Variants in STK38L observed in about 807,000 individuals in gnomAD.
The protein encoded by STK38L is serine/threonine kinase 38 like, also known as serine/threonine-protein kinase 38-like.
STK38L carries 28 observed loss-of-function variants against 59.7 expected under a neutral mutation model. The observed-to-expected ratio is 0.47, with a 90% CI of 0.35 to 0.64. The LOEUF is 0.64. Ranked by LOEUF, STK38L falls within the 30% of genes least tolerant of loss-of-function variation. The pLI is 0.01. For synonymous variants in STK38L, 162 were observed against 176.8 expected (o/e 0.92, Z 0.66); for missense variants, 314 against 555.8 (o/e 0.56, Z 4.37).
chr12:27,253,759 G>C (rs919972739), intron 1 of STK38L, among the ~76,000 whole-genome samples: 13 of 152,194 alleles, frequency 8.5e-5, no homozygotes, highest in African/African-American at 3.1e-4. Flanking sequence ...GCCTCAGGCG[G>C]GTATTATCAC....
At chr12:27,320,791 T>G (rs957558476) in intron 12 of STK38L, among the ~76,000 whole-genome samples, 1 of 150,318 alleles carries the variant, frequency 6.7e-6, no homozygotes, top group African/African-American at 2.4e-5. Flanking sequence ...TTTTTTTTTT[T>G]TTTTTTTTGA....
intron 11 of STK38L, among the ~76,000 whole-genome samples, 181 bp from the exon 12 acceptor site, chr12:27,319,147 T>C (rs553586425): frequency 1.3e-5 from 2 of 152,358 alleles, no homozygotes; most frequent in Non-Finnish European, 2.9e-5. Context: ...ACAGTAGTTA[T>C]CTCTAAACAG....
At position 27,305,278 on chromosome 12, in the gene STK38L, G is replaced by A. The variant is rs574770904; in HGVS notation, c.187-3061G>A. ...TTGTAGCTTCCTGTTTGCAACTTCT[G>A]GTCTGCATCAGCAAGTACTGACTAC... On this transcript the variant is annotated intron_variant, in intron 3 of 13. Coordinates refer to ENST00000389032, the MANE Select transcript of STK38L (RefSeq NM_015000.4). Among the ~76,000 whole-genome samples the A allele has an allele frequency of 3.3e-5, 5 of 152,220 alleles. No homozygotes were observed. The East Asian group carries it at 9.6e-4, about 29-fold the overall frequency.
intron 12 of STK38L, among the ~76,000 whole-genome samples, chr12:27,320,662 C>T (rs530952577): frequency 5.1e-4 from 77 of 152,070 alleles, no homozygotes; most frequent in African/African-American, 1.8e-3. Context: ...ACTTGCGTTT[C>T]TCATCTTATC....
intron 1 of STK38L, among the ~76,000 whole-genome samples, chr12:27,287,899 T>C (rs1354677480): frequency 6.6e-6 from 1 of 152,194 alleles, no homozygotes; most frequent in African/African-American, 2.4e-5. Flanking sequence ...TTGGTTTTGT[T>C]TGAGACAGAG....
At chr12:27,292,624 G>A (rs753704527) in intron 1 of STK38L, among the ~76,000 whole-genome samples, 8 of 152,170 alleles carry the variant, frequency 5.3e-5, no homozygotes, top group Non-Finnish European at 7.3e-5. Flanking sequence ...CCTACTGTGT[G>A]CTCATCACTT....
intron 3 of STK38L, 88 bp downstream of exon 3, chr12:27,302,276 T>C (rs894528537): frequency 2.9e-5 from 30 of 1,028,532 alleles, no homozygotes; most frequent in Non-Finnish European, 1.3e-5. Context: ...ACTTAAATAA[T>C]GTGGATTTTA....
At chr12:27,261,609 T>C (rs1943205815) in intron 1 of STK38L, among the ~76,000 whole-genome samples, 1 of 152,212 alleles carries the variant, frequency 6.6e-6, no homozygotes. Flanking sequence ...ATCTGAACTT[T>C]TTGTATCTCT....
At position 27,323,110 on chromosome 12, in the gene STK38L, A is replaced by G. The variant is rs1944768822; in HGVS notation, c.*655A>G. The G allele has an allele frequency of 6.6e-6, 1 of 152,200 alleles. No homozygotes were observed. Among genetic ancestry groups the G allele is most frequent in the South Asian group, 2.1e-4 (1 of 4,828 alleles). 9.4% of individuals were successfully genotyped at this position (152,200 alleles called of 1,614,324 possible). A position where few individuals can be genotyped will look rare whatever the true frequency, so the allele number is the denominator to read the frequency against. On this transcript the variant is annotated 3_prime_UTR_variant, in exon 14 of 14. Coordinates refer to ENST00000389032, the MANE Select transcript of STK38L (RefSeq NM_015000.4). The stretch of plus-strand genomic sequence containing the variant: ...TATAATAAGGAAGACAAAGTTTAAC[A>G]CCTTCACTCAAGCACTCCACTAATA...
intron 1 of STK38L, among the ~76,000 whole-genome samples, chr12:27,263,780 A>G (rs1246117116): frequency 1.3e-5 from 2 of 152,202 alleles, no homozygotes; most frequent in African/African-American, 4.8e-5. Flanking sequence ...TCCTGCCTTC[A>G]AGGAGTGTGG....
chr12:27,293,885 G>T (rs1315920325), intron 1 of STK38L: 4 of 152,210 alleles, frequency 2.6e-5, no homozygotes, highest in African/African-American at 9.6e-5. Context: ...CTTTTGTTAA[G>T]GCAAACTTGT....
At chr12:27,294,349 A>G (rs533084874) in intron 1 of STK38L, among the ~76,000 whole-genome samples, 13 of 151,942 alleles carry the variant, frequency 8.6e-5, no homozygotes, top group Non-Finnish European at 1.5e-5. Context: ...GTGAAACCCC[A>G]TCTCTACTAA....
intron 1 of STK38L, among the ~76,000 whole-genome samples, chr12:27,261,859 T>C (rs1943209802): frequency 6.6e-6 from 1 of 152,250 alleles, no homozygotes; most frequent in Admixed American, 6.5e-5. Context: ...GATAAACTTT[T>C]ATGTAGGGTT....
At chr12:27,276,577 A>T (rs1398966602) in intron 1 of STK38L, among the ~76,000 whole-genome samples, 1 of 152,202 alleles carries the variant, frequency 6.6e-6, no homozygotes, top group Non-Finnish European at 1.5e-5. Flanking sequence ...TGGTGATTAT[A>T]TGAATGAGAG....
At chr12:27,313,287 A>G (rs1591937610) in intron 6 of STK38L, among the ~76,000 whole-genome samples, 1 of 151,358 alleles carries the variant, frequency 6.6e-6, no homozygotes, top group Admixed American at 6.6e-5. Flanking sequence ...TGTGTAATTT[A>G]TAAAGGAAAG....
At chr12:27,273,060 T>C (rs910828856) in intron 1 of STK38L, among the ~76,000 whole-genome samples, 1 of 152,214 alleles carries the variant, frequency 6.6e-6, no homozygotes, top group East Asian at 1.9e-4. Flanking sequence ...TTTTCTTTTT[T>C]TTTTTTAAGA....
chr12:27,289,929 T>C (rs1262019353), intron 1 of STK38L, among the ~76,000 whole-genome samples: 1 of 152,110 alleles, frequency 6.6e-6, no homozygotes, highest in African/African-American at 2.4e-5. Context: ...GTCAAAGAAG[T>C]AGGCTAAGAT....
At chr12:27,266,739 A>G (rs1384635808) in intron 1 of STK38L, among the ~76,000 whole-genome samples, 4 of 152,154 alleles carry the variant, frequency 2.6e-5, no homozygotes, top group East Asian at 1.9e-4. Context: ...GCAATATTCA[A>G]TCTGGTGTGG....
At chr12:27,307,955 G>A (rs1309100787) in intron 3 of STK38L, among the ~76,000 whole-genome samples, 1 of 152,118 alleles carries the variant, frequency 6.6e-6, no homozygotes, top group Non-Finnish European at 1.5e-5. Context: ...TTGTGAAAGA[G>A]CAACCTTGGA....
Sources: allele counts gnomAD v4.1 joint callset (sites outside exome capture counted in the v4.1 genomes callset), GRCh38; gene constraint gnomAD v4.1.1; transcripts MANE v1.5; gene names NCBI Gene and HGNC (gene_info 2026-07-23, HGNC 2026-07-21).